KLC2: variants seen among roughly 807,000 people sequenced by gnomAD.
KLC2 encodes KLC 2.
KLC2 carries 35 observed loss-of-function variants against 75.1 expected under a neutral mutation model. The observed-to-expected ratio is 0.47, with a 90% CI of 0.36 to 0.62. The LOEUF is 0.62. Ranked by LOEUF, KLC2 falls within the 20% of genes least tolerant of loss-of-function variation. The probability of loss-of-function intolerance (pLI) is 0.00; values close to 1 mark genes in which losing one functional copy is unlikely to be tolerated. For synonymous variants in KLC2, 314 were observed against 336.7 expected (o/e 0.93, Z 0.74); for missense variants, 611 against 833.2 (o/e 0.73, Z 3.28).
chr11:66,263,699 T>G lies in KLC2; in HGVS notation c.792T>G (p.Asn264Lys). The part of the protein sequence containing the change: ...NKYKEAAHLL[N>K]DALAIREKTL... ...ACAAGGAGGCTGCCCACCTGCTCAA[T>G]GATGCTCTGGCCATCCGGGAGAAAA... Residue 264 changes from asparagine (N) to lysine (K), a missense_variant, in exon 6 of 16, where the codon AAT (asparagine) becomes AAG (lysine). Physicochemically the swap from Asn to Lys is moderately conservative, Grantham distance 94. Transcript: ENST00000394067. 6.2e-7 allele frequency: 1 copy of G among 1,613,920 alleles called. No homozygotes were observed. Among genetic ancestry groups the G allele is most frequent in the Non-Finnish European group, 8.5e-7 (1 of 1,179,906 alleles).
intron 15 of KLC2, 153 bp from the exon 16 acceptor site, chr11:66,266,720 A>T (rs1319208005): frequency 1.2e-6 from 1 of 864,204 alleles, no homozygotes; most frequent in South Asian, 1.4e-5. Context: ...CGGGAGTGTC[A>T]GGGCACCAGG....
intron 2 of KLC2, chr11:66,259,448 T>C (rs1332505655): frequency 6.6e-6 from 1 of 152,282 alleles, no homozygotes; most frequent in African/African-American, 2.4e-5. Context: ...GCAAAGGTCC[T>C]GGGGTAGGAA....
In KLC2 at chr11:66,267,493, G is replaced by T. The variant is rs926600647; in HGVS notation, c.*537G>T. ...CAGGCTCTACATTCTCGGGAGCGGC[G>T]CCTCCCAAGGGGGTCCTGGGACCTT... is the stretch of plus-strand genomic sequence containing the variant. On this transcript the variant is annotated 3_prime_UTR_variant, in exon 16 of 16. Transcript: ENST00000394067. The T allele has an allele frequency of 1.4e-5, 10 of 697,228 alleles. No individual in the cohort carries two copies. In the South Asian group the frequency reaches 1.5e-4, roughly 11 times the overall value. 43.2% of individuals were successfully genotyped at this position (697,228 alleles called of 1,614,324 possible).
intron 5 of KLC2, 22 bp from the exon 6 acceptor site, chr11:66,263,638 C>G (rs762095661): frequency 7.0e-6 from 11 of 1,576,542 alleles, no homozygotes; most frequent in Non-Finnish European, 9.6e-6. Context: ...ACAGCCCTGA[C>G]CATGCTCCTA....
At position 66,265,980 on chromosome 11, in the gene KLC2, G is replaced by A. The variant is rs762311202; in HGVS notation, c.1570G>A (p.Glu524Lys). 12 of 1,610,348 alleles carry A rather than the reference G, an allele frequency of 7.5e-6. No individual in the cohort carries two copies. Among genetic ancestry groups the A allele is most frequent in the Non-Finnish European group, 1.0e-5 (12 of 1,177,408 alleles). The change falls in exon 13 of 16, where the codon GAG becomes AAG. Residue 524 changes from glutamate (E) to lysine (K), a missense_variant. Glu to Lys is a moderately conservative substitution (Grantham distance 56, BLOSUM62 1). Transcript: ENST00000394067. The stretch of plus-strand genomic sequence containing the variant: ...CGGGCCTCGGTCTGAGTCTGACCTC[G>A]AGGACGTGGGACCTACAGCTGAGTG... ...GAGPRSESDLEDVGPTAEWNG... is the reference protein window; with the variant it reads ...GAGPRSESDLKDVGPTAEWNG...
At chr11:66,252,653 C>G (rs1294376149), upstream of KLC2, among the ~76,000 whole-genome samples, 1 of 152,186 alleles carries the variant, frequency 6.6e-6, no homozygotes, top group Non-Finnish European at 1.5e-5. Context: ...GGTAAAATAA[C>G]AGACCATGCC....
At position 66,262,923 on chromosome 11, in the gene KLC2, C is replaced by T; in HGVS notation, c.639C>T (p.Arg213=). Residue 213 remains arginine (R), a synonymous_variant, in exon 5 of 16, where the codon CGC becomes CGT. Coordinates refer to ENST00000394067, the MANE Select transcript of KLC2 (RefSeq NM_001318734.2). ...NLVIQYASQG[R]YEVAVPLCKQ... is the part of the protein sequence containing the mutation. ...TGATCCAATACGCCTCACAGGGCCG[C>T]TACGAGGTAGCTGTGCCACTCTGCA... is the stretch of plus-strand genomic sequence containing the variant. 1 of 1,614,016 alleles carries T rather than the reference C, an allele frequency of 6.2e-7. No individual in the cohort carries two copies. The highest frequency in any genetic ancestry group is 8.5e-7 in the Non-Finnish European group (1 of 1,179,980).
In KLC2 at chr11:66,266,193, C is replaced by G; in HGVS notation, c.1703C>G (p.Thr568Ser). The G allele has an allele frequency of 6.2e-7, 1 of 1,607,540 alleles. No homozygotes were observed. ...EMLVKKLQGG[T>S]PQEPPNPRMK... ...CTGGTAAAGAAGCTGCAGGGGGGCA[C>G]CCCCCAGGAGCCCCCTAACCCCAGG... The change falls in exon 14 of 16, where the codon ACC (threonine) becomes AGC (serine). Residue 568 changes from threonine to serine, a missense_variant. Coordinates refer to ENST00000394067, the MANE Select transcript of KLC2 (RefSeq NM_001318734.2).
At chr11:66,261,093 A>G (rs1433937175) in intron 2 of KLC2, 1 of 149,562 alleles carries the variant, frequency 6.7e-6, no homozygotes, top group African/African-American at 2.4e-5. Flanking sequence ...AGAGAGCAAG[A>G]AGGGAGGTTG....
chr11:66,249,346 A>AAGTTGCTT, the KLC2 span, among the ~76,000 whole-genome samples: 1 of 152,196 alleles, frequency 6.6e-6, no homozygotes, highest in African/African-American at 2.4e-5. Flanking sequence ...CTTTGGAAGG[A>AAGTTGCTT]AGTTGCTGGT....
the KLC2 span, among the ~76,000 whole-genome samples, chr11:66,252,019 C>T: frequency 6.6e-6 from 1 of 152,198 alleles, no homozygotes; most frequent in Non-Finnish European, 1.5e-5. Context: ...TTCCTGATCA[C>T]ATGGGCACCT....
rs1178931271 is a variant in KLC2, at chr11:66,267,659, C to T, written c.*703C>T. 9.2e-6 allele frequency: 5 copies of T among 541,904 alleles called. No individual in the cohort carries two copies. The highest frequency in any genetic ancestry group is 1.6e-5 in the Non-Finnish European group (5 of 306,706). The allele number at this position is 541,904 out of a possible 1,614,324, so 33.6% of individuals were successfully genotyped here. On this transcript the variant is annotated 3_prime_UTR_variant, in exon 16 of 16. Transcript: ENST00000394067. ...CGGCCTTATGCACTGCCCCTCCCACCCGGCCCCGCCCAGGCACGGCCGACC... is the reference window on the plus strand; with the variant it reads ...CGGCCTTATGCACTGCCCCTCCCACTCGGCCCCGCCCAGGCACGGCCGACC...
At chr11:66,255,952 G>C (rs1856017531), upstream of KLC2, among the ~76,000 whole-genome samples, 1 of 151,976 alleles carries the variant, frequency 6.6e-6, no homozygotes, top group Admixed American at 6.6e-5. Flanking sequence ...TTTTAGTAGA[G>C]ACAGGGTTTC....
At position 66,266,005 on chromosome 11, in the gene KLC2, G is replaced by A; in HGVS notation, c.1595G>A (p.Trp532Ter). Residue 532 changes from tryptophan (W) to a stop codon, truncating the protein, a stop_gained, in exon 13 of 16, where the codon TGG becomes TAG. Coordinates refer to ENST00000394067, the MANE Select transcript of KLC2 (RefSeq NM_001318734.2). LOFTEE classifies it high-confidence loss of function. Reference sequence around the variant, plus strand: ...GAGGACGTGGGACCTACAGCTGAGTGGAATGGGGTGAGTCCGGGGCCTGGG... The same window carrying A: ...GAGGACGTGGGACCTACAGCTGAGTAGAATGGGGTGAGTCCGGGGCCTGGG... ...DLEDVGPTAE[W>*]NGDGSGSLRR... 4 of 1,612,892 alleles carry A rather than the reference G, an allele frequency of 2.5e-6. No individual in the cohort carries two copies. Among genetic ancestry groups the A allele is most frequent in the Non-Finnish European group, 3.4e-6 (4 of 1,179,172 alleles).
rs753620706 is a variant in KLC2 at position 66,261,892 on chromosome 11, G to A, written c.379G>A (p.Val127Met). 28 of 1,614,098 alleles carry A rather than the reference G, an allele frequency of 1.7e-5. No individual in the cohort carries two copies. Among genetic ancestry groups the A allele is most frequent in the Admixed American group, 5.0e-5 (3 of 60,014 alleles). ...QQKLQRSEQA[V>M]AQLEEEKQHL... is the part of the protein sequence containing the mutation. ...GAAGCTGCAGCGCAGTGAGCAGGCCGTGGCCCAGCTCGAGGAGGAGAAGCA... is the reference window on the plus strand; with the variant it reads ...GAAGCTGCAGCGCAGTGAGCAGGCCATGGCCCAGCTCGAGGAGGAGAAGCA... Residue 127 changes from valine (V) to methionine (M), a missense_variant, in exon 3 of 16, where the codon GTG becomes ATG. Val to Met is a conservative substitution (Grantham distance 21, BLOSUM62 1). Coordinates refer to ENST00000394067, the MANE Select transcript of KLC2 (RefSeq NM_001318734.2).
chr11:66,246,496 A>G, the KLC2 span, among the ~76,000 whole-genome samples: 1 of 151,302 alleles, frequency 6.6e-6, no homozygotes, highest in Non-Finnish European at 1.5e-5. Context: ...ATCCCTCTTC[A>G]CTCCTTGAGG....
upstream of KLC2, chr11:66,257,303 A>G (rs1483324585): frequency 6.6e-6 from 1 of 152,212 alleles, no homozygotes; most frequent in African/African-American, 2.4e-5. Context: ...TGCGAGCCAG[A>G]TAACAGCGGC....
At chr11:66,248,616 C>CAAAT in the KLC2 span, among the ~76,000 whole-genome samples, 3 of 152,166 alleles carry the variant, frequency 2.0e-5, no homozygotes, top group African/African-American at 7.2e-5. Flanking sequence ...GACTCTTTCT[C>CAAAT]AAATAAATAA....
At position 66,265,247 on chromosome 11, in the gene KLC2, G is replaced by A. The variant is rs199969024; in HGVS notation, c.1334+12G>A. The stretch of plus-strand genomic sequence containing the variant: ...TGTAAAGTAGACAGGTGAGTGGGGC[G>A]GGGCTGGGCTGGGGAGCAGGGCACG... On this transcript the variant is annotated intron_variant, in intron 11 of 15. Transcript: ENST00000394067. 101 of 1,541,434 alleles carry A rather than the reference G, an allele frequency of 6.6e-5. No homozygotes were observed. The highest frequency in any genetic ancestry group is 3.0e-4 in the Admixed American group (18 of 59,898).
Sources: gnomAD v4.1 joint callset for allele counts (sites outside exome capture counted in the v4.1 genomes callset) on GRCh38, gnomAD v4.1.1 for gene constraint, MANE v1.5 for transcripts, NCBI Gene and HGNC (gene_info 2026-07-23, HGNC 2026-07-21) for gene names.